SLCO5A1: variants seen among roughly 807,000 people sequenced by gnomAD.
The protein encoded by SLCO5A1 is organic anion transporter polypeptide-related protein 4.
Under a neutral mutation model 65.1 loss-of-function variants are expected in SLCO5A1, and 39 were observed. The observed-to-expected ratio is 0.60, with a 90% confidence interval of 0.46 to 0.78. The LOEUF is 0.78. SLCO5A1 is among the 30% of genes least tolerant of loss of function. SLCO5A1 has a pLI of 0.00. For synonymous variants in SLCO5A1, 438 were observed against 415.7 expected, an observed-to-expected ratio of 1.05 and a Z score of -0.65; for missense variants, 1,029 against 1,069.4, an observed-to-expected ratio of 0.96 and a Z score of 0.53.
chr8:69,715,780 A>G lies in SLCO5A1; in HGVS notation c.1424-10551T>C, dbSNP rs113495619. On this transcript the variant is annotated intron_variant, in intron 5 of 9. Transcript: ENST00000260126. ...ATTTCATAAATATAGTCACATCACT[A>G]ATTAGACATATTGTGTTTCTTTTTT... 1.4e-3 allele frequency among the ~76,000 whole-genome samples: 208 copies of G among 152,292 alleles called. 1 individual carries two copies. The highest frequency in any genetic ancestry group is 4.8e-3 in the African/African-American group (201 of 41,562).
At chr8:69,790,665 A>G (rs1354136677) in intron 2 of SLCO5A1, among the ~76,000 whole-genome samples, 1 of 152,204 alleles carries the variant, frequency 6.6e-6, no homozygotes, top group Admixed American at 6.5e-5. Context: ...ATAAAAAAAA[A>G]GAATAATAAT....
chr8:69,704,049 C>A (rs898505913), intron 6 of SLCO5A1, among the ~76,000 whole-genome samples: 1 of 152,078 alleles, frequency 6.6e-6, no homozygotes, highest in Non-Finnish European at 1.5e-5. Context: ...CCAAATGCCA[C>A]AAATCAGGGC....
At chr8:69,806,206 C>T (rs2130907435) in intron 2 of SLCO5A1, among the ~76,000 whole-genome samples, 1 of 152,340 alleles carries the variant, frequency 6.6e-6, no homozygotes, top group Non-Finnish European at 1.5e-5. Flanking sequence ...ACACATTACA[C>T]ATTACAGTTC....
chr8:69,698,410 A>C (rs939805509), intron 6 of SLCO5A1, among the ~76,000 whole-genome samples: 1 of 152,152 alleles, frequency 6.6e-6, no homozygotes, highest in Non-Finnish European at 1.5e-5. Context: ...ATTCTGTTTT[A>C]AGTTCTTCGA....
intron 4 of SLCO5A1, among the ~76,000 whole-genome samples, chr8:69,751,531 T>C (rs763027430): frequency 6.9e-4 from 105 of 152,088 alleles, no homozygotes; most frequent in Non-Finnish European, 1.3e-3. Context: ...CCATTCTGTA[T>C]GGCTCAAATA....
At chr8:69,825,001 A>C (rs1321055569) in intron 2 of SLCO5A1, among the ~76,000 whole-genome samples, 1 of 152,220 alleles carries the variant, frequency 6.6e-6, no homozygotes, top group Non-Finnish European at 1.5e-5. Context: ...GTAATCCAGC[A>C]TATAAACAGA....
At chr8:69,821,391 G>T (rs1488318297) in intron 2 of SLCO5A1, among the ~76,000 whole-genome samples, 1 of 151,102 alleles carries the variant, frequency 6.6e-6, no homozygotes, top group Non-Finnish European at 1.5e-5. Flanking sequence ...AAATGAAGAA[G>T]AACAGGAAGA....
intron 3 of SLCO5A1, among the ~76,000 whole-genome samples, chr8:69,756,737 C>G (rs534171639): frequency 1.3e-5 from 2 of 152,334 alleles, no homozygotes; most frequent in African/African-American, 4.8e-5. Flanking sequence ...TGCCACGTTG[C>G]AGAGCACTAG....
At chr8:69,774,183 C>T (rs1308514158) in intron 2 of SLCO5A1, among the ~76,000 whole-genome samples, 1 of 152,206 alleles carries the variant, frequency 6.6e-6, no homozygotes, top group Non-Finnish European at 1.5e-5. Context: ...GGTAAAATAA[C>T]AGAAGCAGCT....
At chr8:69,702,734 G>T (rs996076042) in intron 6 of SLCO5A1, among the ~76,000 whole-genome samples, 10 of 152,170 alleles carry the variant, frequency 6.6e-5, no homozygotes, top group African/African-American at 1.7e-4. Context: ...AAACAGAAGT[G>T]TTTCTTGGCA....
intron 2 of SLCO5A1, among the ~76,000 whole-genome samples, chr8:69,828,324 C>T (rs935464341): frequency 5.9e-5 from 9 of 151,490 alleles, no homozygotes; most frequent in Non-Finnish European, 1.2e-4. Context: ...AAAGAAGGGC[C>T]GGGTGCAGTG....
chr8:69,832,139 G>C lies in SLCO5A1; in HGVS notation c.535C>G (p.Leu179Val), dbSNP rs768391602. ...TAGCTGACGAACACCACCACCACCA[G>C]GTTCCCGATGTCAAAGCAGCTGACC... ...LLVSCFDIGN[L>V]VVVVFVSYFG... Residue 179 changes from leucine to valine, a missense_variant, in exon 2 of 10, where the codon CTG becomes GTG. By Grantham distance (32) the Leu-to-Val change is conservative. Coordinates refer to ENST00000260126, the MANE Select transcript of SLCO5A1 (RefSeq NM_030958.3). The surrounding 1 kb of genome is among the most constrained non-coding windows in gnomAD (Gnocchi z 4.5). 6.2e-7 allele frequency: 1 copy of C among 1,614,162 alleles called. No individual in the cohort carries two copies. Among genetic ancestry groups the C allele is most frequent in the South Asian group, 1.1e-5 (1 of 91,088 alleles).
rs114449085 is a variant in SLCO5A1 at position 69,794,508 on chromosome 8, T to C, written c.908-32633A>G. On this transcript the variant is annotated intron_variant, in intron 2 of 9. Transcript: ENST00000260126. ...TGGTTTGGTTCAGGTTCTTTTCTGA[T>C]GAGCAGTATGTCAGCACTCTTTCAG... 4.4e-3 allele frequency: 1,795 copies of C among 404,076 alleles called. 30 individuals carry two copies. The highest frequency in any genetic ancestry group is 0.035 in the African/African-American group (1,674 of 48,062). The allele number at this position is 404,076 out of a possible 1,614,324, so 25.0% of individuals were successfully genotyped here.
intron 3 of SLCO5A1, chr8:69,761,343 G>C (rs1817764407): frequency 5.6e-6 from 1 of 178,962 alleles, no homozygotes; most frequent in African/African-American, 2.4e-5. Flanking sequence ...CCAGCTTCTA[G>C]AGTCCACCTG....
chr8:69,735,638 G>A (rs1267405185), intron 5 of SLCO5A1, among the ~76,000 whole-genome samples: 1 of 152,152 alleles, frequency 6.6e-6, no homozygotes, highest in East Asian at 1.9e-4. Context: ...TAGATACATG[G>A]AGGGGAACAA....
intron 6 of SLCO5A1, among the ~76,000 whole-genome samples, chr8:69,692,477 A>C (rs1814310586): frequency 6.6e-6 from 1 of 152,076 alleles, no homozygotes; most frequent in African/African-American, 2.4e-5. Context: ...TTCAATAATA[A>C]ATTAGCCTTA....
chr8:69,695,949 C>T (rs1176526566), intron 6 of SLCO5A1, among the ~76,000 whole-genome samples: 1 of 152,172 alleles, frequency 6.6e-6, no homozygotes, highest in Non-Finnish European at 1.5e-5. Context: ...AAAATAAAAA[C>T]AGAGCCACCA....
chr8:69,752,092 G>A lies in SLCO5A1; in HGVS notation c.1258+3332C>T, dbSNP rs1440655324. Among the ~76,000 whole-genome samples, 4 of 152,128 alleles carry A rather than the reference G, an allele frequency of 2.6e-5. No individual in the cohort carries two copies. The South Asian group carries it at 6.2e-4, about 24-fold the overall frequency. On this transcript the variant is annotated intron_variant, in intron 4 of 9. Transcript: ENST00000260126. ...CAAAAGATGCAAAAATTACCTAGGT[G>A]TGGTGGCACAGGCCTGTAGCCCCAG...
chr8:69,678,120 A>G (rs1043908949), intron 8 of SLCO5A1, among the ~76,000 whole-genome samples: 1 of 152,178 alleles, frequency 6.6e-6, no homozygotes, highest in East Asian at 1.9e-4. Flanking sequence ...TTTAAGTTAA[A>G]TATTAAAAGC....
Sources: allele counts gnomAD v4.1 joint callset (sites outside exome capture counted in the v4.1 genomes callset), GRCh38; gene constraint gnomAD v4.1.1; non-coding constraint Gnocchi (gnomAD v3.1); transcripts MANE v1.5; gene names NCBI Gene and HGNC (gene_info 2026-07-23, HGNC 2026-07-21).